The following TASOR2 variants were observed in gnomAD, a reference collection of about 807,000 sequenced individuals.
TASOR2 encodes transcription activation suppressor family member 2, also known as protein TASOR 2.
TASOR2 carries 84 observed loss-of-function variants against 199.5 expected under a neutral mutation model. That is an observed-to-expected ratio of 0.42 (90% confidence interval 0.35 to 0.50). The LOEUF is 0.50. Ranked by LOEUF, TASOR2 falls within the 20% of genes least tolerant of loss-of-function variation. The probability of loss-of-function intolerance (pLI) is 0.02; values close to 1 mark genes in which losing one functional copy is unlikely to be tolerated. For missense variants in TASOR2, 2,796 were observed against 2,835.9 expected (o/e 0.99, Z 0.32); for synonymous variants, 1,103 against 1,046.6 (o/e 1.05, Z -1.04).
rs145988897 is a variant in TASOR2 at position 5,705,830 on chromosome 10, A to G, written c.-287-6993A>G. Reference sequence around the variant, plus strand: ...TACAGGTACTTTACAAATATTTCCCATTTCTTAATAATGATACCTTGGAAG... The same window carrying G: ...TACAGGTACTTTACAAATATTTCCCGTTTCTTAATAATGATACCTTGGAAG... On this transcript the variant is annotated intron_variant, in intron 1 of 20. Coordinates refer to ENST00000328090, the Ensembl canonical transcript of TASOR2. Among the ~76,000 whole-genome samples, 49 of 152,140 alleles carry G rather than the reference A, an allele frequency of 3.2e-4. No individual in the cohort carries two copies. In the East Asian group the frequency reaches 7.9e-3, roughly 25 times the overall value.
chr10:5,725,837 A>G (rs1018634749), intron 8 of TASOR2, among the ~76,000 whole-genome samples: 2 of 152,152 alleles, frequency 1.3e-5, no homozygotes, highest in African/African-American at 2.4e-5. Context: ...TTAGGAGACT[A>G]TGGAGGAGAC....
At chr10:5,739,166 C>T (rs1017292782) in intron 12 of TASOR2, among the ~76,000 whole-genome samples, 7 of 152,208 alleles carry the variant, frequency 4.6e-5, no homozygotes, top group African/African-American at 1.7e-4. Flanking sequence ...TGTTAGCAAA[C>T]TCATACACAC....
At chr10:5,696,632 G>A (rs1038792430) in intron 1 of TASOR2, among the ~76,000 whole-genome samples, 3 of 152,186 alleles carry the variant, frequency 2.0e-5, no homozygotes, top group Non-Finnish European at 2.9e-5. Context: ...GGGATTACAG[G>A]TGTGAGCCAC....
intron 15 of TASOR2, among the ~76,000 whole-genome samples, chr10:5,755,008 T>C (rs1204258447): frequency 3.8e-5 from 5 of 131,304 alleles, no homozygotes; most frequent in Non-Finnish European, 6.1e-5. Context: ...ATCGCGCCAC[T>C]GCACTCCAGC....
Position 5,702,659 on chromosome 10 carries a change from TTTG to T in TASOR2, c.-287-10163_-287-10161del, listed in dbSNP as rs59008104. Among the ~76,000 whole-genome samples the T allele has an allele frequency of 5.7e-3, 409 of 71,690 alleles. 2 individuals carry two copies. The East Asian group carries it at 0.058, about 10-fold the overall frequency. 47.0% of individuals were successfully genotyped at this position (71,690 alleles called of 152,430 possible). A position where few individuals can be genotyped will look rare whatever the true frequency, so the allele number is the denominator to read the frequency against. On this transcript the variant is annotated intron_variant, in intron 1 of 20. Coordinates refer to ENST00000328090, the Ensembl canonical transcript of TASOR2. ...CATTTTTTTTTTTTTTTTTTTTTTT[TTTG>T]GTAAGTAAGGATAGATACGACAGCC...
intron 8 of TASOR2, among the ~76,000 whole-genome samples, chr10:5,725,765 A>T (rs1364340753): frequency 6.6e-6 from 1 of 152,154 alleles, no homozygotes; most frequent in Non-Finnish European, 1.5e-5. Flanking sequence ...TGGGTAACAG[A>T]GTGATACCCT....
At chr10:5,756,132 C>T (rs72772332) in intron 15 of TASOR2, among the ~76,000 whole-genome samples, 2,194 of 152,276 alleles carry the variant, frequency 0.014, 18 homozygotes, top group Middle Eastern at 0.041. Context: ...ACTGCAGTGG[C>T]ACCGTACAAT....
In TASOR2 at chr10:5,754,971, G is replaced by T. The variant is rs371996495; in HGVS notation, c.6607-1642G>T. On this transcript the variant is annotated intron_variant, in intron 15 of 20. Transcript: ENST00000328090. The surrounding 1 kb of genome is among the most constrained non-coding windows in gnomAD (Gnocchi z 4.3). The stretch of plus-strand genomic sequence containing the variant: ...TGAGGCAGGAGAATGGCGTGAACCC[G>T]GGAGGCAGAGCTTGCAGTGAGCCGA... Among the ~76,000 whole-genome samples the T allele has an allele frequency of 3.1e-4, 47 of 149,496 alleles. 1 individual carries two copies. In the East Asian group the frequency reaches 7.8e-3, roughly 25 times the overall value.
rs998197884 is a variant in TASOR2, at chr10:5,685,624, C to A, written c.-288+449C>A. ...GCCACCTTTTCTTTTTAGGGTAAAACAGGTCTCTCCGAAGGGAGGGTCATT... is the reference window on the plus strand; with the variant it reads ...GCCACCTTTTCTTTTTAGGGTAAAAAAGGTCTCTCCGAAGGGAGGGTCATT... On this transcript the variant is annotated intron_variant, in intron 1 of 20. Transcript: ENST00000328090. The surrounding 1 kb of genome is among the most constrained non-coding windows in gnomAD (Gnocchi z 5.4). Among the ~76,000 whole-genome samples, 2 of 152,170 alleles carry A rather than the reference C, an allele frequency of 1.3e-5. No homozygotes were observed.
chr10:5,714,846 G>A (rs1281483921), intron 2 of TASOR2, among the ~76,000 whole-genome samples: 2 of 152,172 alleles, frequency 1.3e-5, no homozygotes, highest in African/African-American at 4.8e-5. Context: ...ATTTTCATAA[G>A]TGTTTCTGAA....
In TASOR2 at chr10:5,740,283, T is replaced by A; in HGVS notation, c.2113T>A (p.Leu705Met). ...GCCATTTCGGCATCAGCCCGGCCTT[T>A]TGCTTCAGCAAAAGCCTCCTGACGA... Residue 705 changes from leucine to methionine, a missense_variant, in exon 13 of 21, where the codon TTG (leucine) becomes ATG (methionine). Physicochemically the swap from Leu to Met is conservative, Grantham distance 15 (BLOSUM62 2). Coordinates refer to ENST00000328090, the Ensembl canonical transcript of TASOR2. This position sits in a 1 kb window ranked among gnomAD's most constrained non-coding sequence, Gnocchi z 5.3. The A allele has an allele frequency of 6.2e-7, 1 of 1,614,218 alleles. No individual in the cohort carries two copies.
chr10:5,726,890 C>G lies in TASOR2; in HGVS notation c.357C>G (p.Ile119Met), dbSNP rs1404154856. Residue 119 changes from isoleucine (I) to methionine (M), a missense_variant, in exon 9 of 21, where the codon ATC (isoleucine) becomes ATG (methionine). Transcript: ENST00000328090. ...ATTTTTCCTTTTTATTTAAGGCAAT[C>G]ATCAAATGCTTAGAAGATCGAGGGT... is the stretch of plus-strand genomic sequence containing the variant. 3.1e-6 allele frequency: 5 copies of G among 1,613,540 alleles called. 2 individuals carry two copies. The highest frequency in any genetic ancestry group is 3.3e-4 in the Middle Eastern group (2 of 6,082).
rs1838111754 is a variant in TASOR2, at chr10:5,752,021, G to T, written c.6606+1994G>T. On this transcript the variant is annotated intron_variant, in intron 15 of 20. Transcript: ENST00000328090. The surrounding 1 kb of genome is among the most constrained non-coding windows in gnomAD (Gnocchi z 4.4). Reference sequence around the variant, plus strand: ...TCCCCCATCCTCCTCCCAACCCCAGGTATAATGAGACCCCTCACTGAGGCA... The same window carrying T: ...TCCCCCATCCTCCTCCCAACCCCAGTTATAATGAGACCCCTCACTGAGGCA... Among the ~76,000 whole-genome samples the T allele has an allele frequency of 6.6e-6, 1 of 151,770 alleles. No individual in the cohort carries two copies.
rs1419821737 is a variant in TASOR2, at chr10:5,737,665, T to C, written c.1448-1953T>C. Among the ~76,000 whole-genome samples the C allele has an allele frequency of 6.6e-6, 1 of 152,194 alleles. No homozygotes were observed. The highest frequency in any genetic ancestry group is 1.5e-5 in the Non-Finnish European group (1 of 68,024). On this transcript the variant is annotated intron_variant, in intron 12 of 20. Transcript: ENST00000328090. The surrounding 1 kb of genome is among the most constrained non-coding windows in gnomAD (Gnocchi z 4.9). Reference sequence around the variant, plus strand: ...GGATATTTGAGAACATTCTATAATTTAATTCATACTGTTTTCAATTCATCT... The same window carrying C: ...GGATATTTGAGAACATTCTATAATTCAATTCATACTGTTTTCAATTCATCT...
In TASOR2 at chr10:5,720,772, A is replaced by G. The variant is rs758229268; in HGVS notation, c.44A>G (p.Asn15Ser). Residue 15 changes from asparagine to serine, a missense_variant and splice_region_variant, in exon 5 of 21, where the codon AAT becomes AGT. Coordinates refer to ENST00000328090, the Ensembl canonical transcript of TASOR2. This position sits in a 1 kb window ranked among gnomAD's most constrained non-coding sequence, Gnocchi z 5.3. ...TCTGCTAGACTTGAACGCAGTGAAA[A>G]TGGTAAGAAATAGTTCATTGATTCT... 1.9e-6 allele frequency: 3 copies of G among 1,611,738 alleles called. No individual in the cohort carries two copies. The African/African-American group carries it at 4.0e-5, about 22-fold the overall frequency.
At chr10:5,761,447 G>A (rs776143514) in exon 19 of TASOR2, 3 of 1,612,510 alleles carry the variant, frequency 1.9e-6, no homozygotes, top group Non-Finnish European at 2.5e-6. Context: ...GCATATTGAT[G>A]CCAGGTTTGC....
chr10:5,705,820 A>G (rs917433458), intron 1 of TASOR2, among the ~76,000 whole-genome samples: 9 of 152,144 alleles, frequency 5.9e-5, no homozygotes, highest in African/African-American at 2.2e-4. Flanking sequence ...GTACTTTACA[A>G]ATATTTCCCA....
At chr10:5,707,089 A>G (rs1292629921) in intron 1 of TASOR2, among the ~76,000 whole-genome samples, 3 of 152,170 alleles carry the variant, frequency 2.0e-5, no homozygotes, top group Non-Finnish European at 4.4e-5. Flanking sequence ...TACTAGGATA[A>G]CGTCTCTATC....
At position 5,730,778 on chromosome 10, in the gene TASOR2, T is replaced by C. The variant is rs1285587646; in HGVS notation, c.779T>C (p.Leu260Ser). The change falls in exon 11 of 21, where the codon TTG becomes TCG. Residue 260 changes from leucine (L) to serine (S), a missense_variant. Transcript: ENST00000328090. The surrounding 1 kb of genome is among the most constrained non-coding windows in gnomAD (Gnocchi z 4.1). ...TGCCCTTCAGAGTCTTTAACTCAGTTGAACTCTTATTTTTCAGACCCTAGT... is the reference window on the plus strand; with the variant it reads ...TGCCCTTCAGAGTCTTTAACTCAGTCGAACTCTTATTTTTCAGACCCTAGT... 1 of 1,614,192 alleles carries C rather than the reference T, an allele frequency of 6.2e-7. No individual in the cohort carries two copies. The highest frequency in any genetic ancestry group is 1.1e-5 in the South Asian group (1 of 91,090).
Sources: gnomAD v4.1 joint callset for allele counts (sites outside exome capture counted in the v4.1 genomes callset) on GRCh38, gnomAD v4.1.1 for gene constraint, Gnocchi (gnomAD v3.1) non-coding constraint, MANE v1.5 for transcripts, NCBI Gene and HGNC (gene_info 2026-07-23, HGNC 2026-07-21) for gene names.